KIRREL3: variants seen among roughly 807,000 people sequenced by gnomAD.
KIRREL3 encodes the protein kin of IRRE-like protein 3.
In KIRREL3, 36 loss-of-function variants were observed where a neutral mutation model predicts 89.7. That is an observed-to-expected ratio of 0.40 (90% confidence interval 0.31 to 0.53). The LOEUF is 0.53. Ranked by LOEUF, KIRREL3 falls within the 20% of genes least tolerant of loss-of-function variation. The probability of loss-of-function intolerance (pLI) is 0.49; values close to 1 mark genes in which losing one functional copy is unlikely to be tolerated. For synonymous variants in KIRREL3, 445 were observed against 441.4 expected (o/e 1.01, Z -0.10); for missense variants, 864 against 1,056.6 (o/e 0.82, Z 2.53).
rs1483095640 is a variant in KIRREL3, at chr11:126,520,042, C to T, written c.433+1273G>A. Among the ~76,000 whole-genome samples the T allele has an allele frequency of 1.3e-5, 2 of 152,204 alleles. No homozygotes were observed. The highest frequency in any genetic ancestry group is 4.8e-5 in the African/African-American group (2 of 41,456). On this transcript the variant is annotated intron_variant, in intron 4 of 16. Coordinates refer to ENST00000525144, the MANE Select transcript of KIRREL3 (RefSeq NM_032531.4). The surrounding 1 kb of genome is among the most constrained non-coding windows in gnomAD (Gnocchi z 4.9). Reference sequence around the variant, plus strand: ...CTGAGGCTGGCCCCAAGTCCCTCCCCCGCATCTCAAGAAGTCAAGCTCCGA... The same window carrying T: ...CTGAGGCTGGCCCCAAGTCCCTCCCTCGCATCTCAAGAAGTCAAGCTCCGA...
At chr11:126,602,384 C>T (rs1237013605) in intron 1 of KIRREL3, among the ~76,000 whole-genome samples, 1 of 152,172 alleles carries the variant, frequency 6.6e-6, no homozygotes, top group South Asian at 2.1e-4. Context: ...TCCACCTGGG[C>T]CCCAGAAGCC....
chr11:126,509,864 G>A (rs937490110), intron 4 of KIRREL3, among the ~76,000 whole-genome samples: 6 of 151,852 alleles, frequency 4.0e-5, no homozygotes, highest in South Asian at 2.1e-4. Context: ...GGGCGTGGTG[G>A]TGCACATCTG....
chr11:126,943,223 G>A lies in KIRREL3; in HGVS notation c.55+57232C>T, dbSNP rs1300789505. Reference sequence around the variant, plus strand: ...CTTTTGAGGTGTTTCTGGGCCTTAAGCAGCTCCCATGGTAAAACATTCACC... The same window carrying A: ...CTTTTGAGGTGTTTCTGGGCCTTAAACAGCTCCCATGGTAAAACATTCACC... On this transcript the variant is annotated intron_variant, in intron 1 of 16. Coordinates refer to ENST00000525144, the MANE Select transcript of KIRREL3 (RefSeq NM_032531.4). The surrounding 1 kb of genome is among the most constrained non-coding windows in gnomAD (Gnocchi z 4.2). Among the ~76,000 whole-genome samples the A allele has an allele frequency of 6.6e-6, 1 of 152,142 alleles. No individual in the cohort carries two copies. The highest frequency in any genetic ancestry group is 2.4e-5 in the African/African-American group (1 of 41,408).
At chr11:126,468,369 C>A (rs137960788) in intron 5 of KIRREL3, among the ~76,000 whole-genome samples, 1 of 152,256 alleles carries the variant, frequency 6.6e-6, no homozygotes, top group Non-Finnish European at 1.5e-5. Context: ...GCAGCCGACA[C>A]CCGCTGGGAG....
chr11:126,640,830 C>T lies in KIRREL3; in HGVS notation c.56-77918G>A, dbSNP rs1418428667. 1.3e-5 allele frequency among the ~76,000 whole-genome samples: 2 copies of T among 152,168 alleles called. No homozygotes were observed. The highest frequency in any genetic ancestry group is 4.8e-5 in the African/African-American group (2 of 41,430). On this transcript the variant is annotated intron_variant, in intron 1 of 16. Transcript: ENST00000525144. This position sits in a 1 kb window ranked among gnomAD's most constrained non-coding sequence, Gnocchi z 4.9. ...TCCCTCCTACGTCACTGACTTATTG[C>T]TGGCATCTCCTCCCCTTGACCTTCA...
At chr11:126,547,712 G>T (rs1221382073) in intron 2 of KIRREL3, among the ~76,000 whole-genome samples, 1 of 152,200 alleles carries the variant, frequency 6.6e-6, no homozygotes, top group African/African-American at 2.4e-5. Context: ...GGGGGTCTGT[G>T]GTCAGTGAAT....
intron 1 of KIRREL3, among the ~76,000 whole-genome samples, chr11:126,907,094 G>A (rs1565405070): frequency 6.6e-6 from 1 of 152,062 alleles, no homozygotes; most frequent in Non-Finnish European, 1.5e-5. Context: ...GGATCCCAGT[G>A]GTACCATTGT....
At chr11:126,638,004 G>T (rs915887331) in intron 1 of KIRREL3, among the ~76,000 whole-genome samples, 1 of 152,228 alleles carries the variant, frequency 6.6e-6, no homozygotes, top group African/African-American at 2.4e-5. Flanking sequence ...GGAATGGAGA[G>T]AATTTAGCTT....
At chr11:126,671,921 A>G (rs998081740) in intron 1 of KIRREL3, among the ~76,000 whole-genome samples, 2 of 152,214 alleles carry the variant, frequency 1.3e-5, no homozygotes, top group Non-Finnish European at 2.9e-5. Context: ...CTGCAGTCCT[A>G]GATATTTACC....
At position 126,612,201 on chromosome 11, in the gene KIRREL3, C is replaced by T. The variant is rs1943161004; in HGVS notation, c.56-49289G>A. Among the ~76,000 whole-genome samples, 1 of 152,070 alleles carries T rather than the reference C, an allele frequency of 6.6e-6. No individual in the cohort carries two copies. ...CCCTGGCATATAATAAGTGCTCCCT[C>T]AGAATTTGAGTATTATATGGACACC... is the stretch of plus-strand genomic sequence containing the variant. On this transcript the variant is annotated intron_variant, in intron 1 of 16. Coordinates refer to ENST00000525144, the MANE Select transcript of KIRREL3 (RefSeq NM_032531.4). The surrounding 1 kb of genome is among the most constrained non-coding windows in gnomAD (Gnocchi z 4.5).
chr11:126,596,301 T>C (rs1942392685), intron 1 of KIRREL3, among the ~76,000 whole-genome samples: 1 of 152,214 alleles, frequency 6.6e-6, no homozygotes, highest in African/African-American at 2.4e-5. Flanking sequence ...GAGTACATTG[T>C]CAAACAAACG....
At chr11:126,813,143 T>A (rs1123932) in intron 1 of KIRREL3, among the ~76,000 whole-genome samples, 10,329 of 152,176 alleles carry the variant, frequency 0.068, 486 homozygotes, top group Middle Eastern at 0.14. Context: ...GTAGAAAAAA[T>A]TTAGTGAAAA....
chr11:126,452,990 C>T (rs1335053292), intron 7 of KIRREL3, among the ~76,000 whole-genome samples: 1 of 152,140 alleles, frequency 6.6e-6, no homozygotes, highest in African/African-American at 2.4e-5. Flanking sequence ...CCACCCTCTT[C>T]GTGCCTCTCC....
At chr11:126,854,330 T>C (rs1485835517) in intron 1 of KIRREL3, among the ~76,000 whole-genome samples, 1 of 152,210 alleles carries the variant, frequency 6.6e-6, no homozygotes, top group Non-Finnish European at 1.5e-5. Flanking sequence ...AGTATGAATA[T>C]GCCACTACCA....
At position 126,624,747 on chromosome 11, in the gene KIRREL3, C is replaced by A. The variant is rs11220561; in HGVS notation, c.56-61835G>T. Among the ~76,000 whole-genome samples the A allele has an allele frequency of 0.12, 18,727 of 152,174 alleles. 1,302 individuals carry two copies. Among genetic ancestry groups the A allele is most frequent in the East Asian group, 0.32 (1,647 of 5,158 alleles). ...CTGAGTAATTCCCGAGCATCAATAA[C>A]GTGTGTCATGATGTAATGCAGGGAG... On this transcript the variant is annotated intron_variant, in intron 1 of 16. Coordinates refer to ENST00000525144, the MANE Select transcript of KIRREL3 (RefSeq NM_032531.4). This position sits in a 1 kb window ranked among gnomAD's most constrained non-coding sequence, Gnocchi z 6.0.
Position 126,815,736 on chromosome 11 carries a change from T to C in KIRREL3, c.55+184719A>G, listed in dbSNP as rs1352992785. 3.3e-5 allele frequency among the ~76,000 whole-genome samples: 5 copies of C among 152,172 alleles called. No individual in the cohort carries two copies. In the East Asian group the frequency reaches 9.7e-4, roughly 29 times the overall value. The stretch of plus-strand genomic sequence containing the variant: ...GTTTTTAGTAGAGACGGGGTTTCAC[T>C]GTGTTAGTCAGGACGGTCTCGATCT... On this transcript the variant is annotated intron_variant, in intron 1 of 16. Coordinates refer to ENST00000525144, the MANE Select transcript of KIRREL3 (RefSeq NM_032531.4).
At chr11:126,554,912 CAG>C (rs1939584846) in intron 2 of KIRREL3, among the ~76,000 whole-genome samples, 1 of 152,152 alleles carries the variant, frequency 6.6e-6, no homozygotes, top group African/African-American at 2.4e-5. Context: ...GTGAGCAGGG[CAG>C]CAACTGGGCA....
chr11:126,663,419 T>C (rs1945514306), intron 1 of KIRREL3, among the ~76,000 whole-genome samples: 1 of 152,166 alleles, frequency 6.6e-6, no homozygotes, highest in South Asian at 2.1e-4. Context: ...TGTCCTGACC[T>C]CGTGATCCGC....
intron 1 of KIRREL3, among the ~76,000 whole-genome samples, chr11:126,700,034 A>C (rs1001365631): frequency 6.6e-6 from 1 of 152,146 alleles, no homozygotes; most frequent in South Asian, 2.1e-4. Flanking sequence ...TCTTTACAAA[A>C]AATAAAAAAA....
Sources: allele counts gnomAD v4.1 joint callset (sites outside exome capture counted in the v4.1 genomes callset), GRCh38; gene constraint gnomAD v4.1.1; non-coding constraint Gnocchi (gnomAD v3.1); transcripts MANE v1.5; gene names NCBI Gene and HGNC (gene_info 2026-07-23, HGNC 2026-07-21).